The following LARGE1 variants were observed in gnomAD, a reference collection of about 807,000 sequenced individuals.
The protein encoded by LARGE1 is LARGE xylosyl- and glucuronyltransferase 1, also known as xylosyl- and glucuronyltransferase LARGE1.
LARGE1 carries 43 observed loss-of-function variants against 87.6 expected under a neutral mutation model. The observed-to-expected ratio is 0.49, with a 90% CI of 0.38 to 0.63. The LOEUF is 0.63. LARGE1 is among the 30% of genes least tolerant of loss of function. The pLI, the probability that LARGE1 is intolerant of heterozygous loss-of-function variation, is 0.00. For missense variants in LARGE1, 802 were observed against 1,000.2 expected, an observed-to-expected ratio of 0.80 and a Z score of 2.67; for synonymous variants, 434 against 394.6, an observed-to-expected ratio of 1.10 and a Z score of -1.18.
rs1409294117 is a variant in LARGE1 at position 33,312,291 on chromosome 22, G to A, written c.1451+3794C>T. Among the ~76,000 whole-genome samples, 7 of 151,982 alleles carry A rather than the reference G, an allele frequency of 4.6e-5. No homozygotes were observed. In the East Asian group the frequency reaches 1.4e-3, roughly 29 times the overall value. On this transcript the variant is annotated intron_variant, in intron 11 of 14. Coordinates refer to ENST00000397394, the MANE Select transcript of LARGE1 (RefSeq NM_133642.5). The stretch of plus-strand genomic sequence containing the variant: ...ACCCCGTCTCTACTAAAAATACAAA[G>A]TTAGCTGGGCCTGGTGGTGCGCGCC...
intron 1 of LARGE1, among the ~76,000 whole-genome samples, chr22:33,899,802 C>A (rs1282242702): frequency 1.3e-5 from 2 of 152,180 alleles, no homozygotes; most frequent in Non-Finnish European, 2.9e-5. Context: ...ATCTATTTAA[C>A]AAAGAAGTGA....
chr22:33,563,970 T>C (rs921398900), intron 6 of LARGE1, among the ~76,000 whole-genome samples: 4 of 152,188 alleles, frequency 2.6e-5, no homozygotes, highest in Non-Finnish European at 4.4e-5. Context: ...GAATATCCTG[T>C]GATTTATGAA....
chr22:33,281,965 A>T (rs1224843277), intron 13 of LARGE1, among the ~76,000 whole-genome samples: 1 of 152,246 alleles, frequency 6.6e-6, no homozygotes, highest in East Asian at 1.9e-4. Flanking sequence ...TTTCAGTAAA[A>T]TTCCGATGGT....
At chr22:33,767,589 C>T (rs2084945350) in intron 1 of LARGE1, among the ~76,000 whole-genome samples, 1 of 151,902 alleles carries the variant, frequency 6.6e-6, no homozygotes, top group Admixed American at 6.6e-5. Context: ...AGACTCCAGT[C>T]AGAAGCCTAC....
rs970959567 is a variant in LARGE1 at position 33,581,500 on chromosome 22, T to C, written c.616-16481A>G. On this transcript the variant is annotated intron_variant, in intron 5 of 14. Transcript: ENST00000397394. ...GTTATTTTGTTGACCTGGCTTGTTTTCCATGCTTCAGTTAGAAGACAGAGA... is the reference window on the plus strand; with the variant it reads ...GTTATTTTGTTGACCTGGCTTGTTTCCCATGCTTCAGTTAGAAGACAGAGA... 1.2e-4 allele frequency among the ~76,000 whole-genome samples: 18 copies of C among 152,122 alleles called. 1 individual carries two copies. The highest frequency in any genetic ancestry group is 8.5e-4 in the Admixed American group (13 of 15,274).
chr22:33,382,228 T>C (rs1296520879), intron 8 of LARGE1, among the ~76,000 whole-genome samples, 184 bp from the exon 9 acceptor site: 2 of 152,130 alleles, frequency 1.3e-5, no homozygotes, highest in African/African-American at 4.8e-5. Context: ...GCAATAATGT[T>C]TGGATAGAGA....
chr22:33,308,264 T>G (rs1480491068), intron 11 of LARGE1, among the ~76,000 whole-genome samples: 5 of 152,138 alleles, frequency 3.3e-5, no homozygotes, highest in Non-Finnish European at 7.4e-5. Context: ...TCACTCAGTG[T>G]CTGCTGGGAT....
rs911362800 is a variant in LARGE1 at position 33,202,764 on chromosome 22, C to T, written c.1731-35932G>A. ...AAGTTCTACAGTGTTTACATCAATCCCTCAAATCTGGTTGAACCCAAGAGC... is the reference window on the plus strand; with the variant it reads ...AAGTTCTACAGTGTTTACATCAATCTCTCAAATCTGGTTGAACCCAAGAGC... On this transcript the variant is annotated intron_variant, in intron 11 of 11. Transcript: ENST00000608642. Among the ~76,000 whole-genome samples the T allele has an allele frequency of 5.9e-5, 9 of 152,188 alleles. No individual in the cohort carries two copies. The South Asian group carries it at 8.3e-4, about 14-fold the overall frequency.
chr22:33,324,735 C>G (rs1191898885), intron 10 of LARGE1, among the ~76,000 whole-genome samples: 1 of 152,186 alleles, frequency 6.6e-6, no homozygotes. Context: ...TTAGAGACTT[C>G]TGTTCACAGT....
intron 2 of LARGE1, among the ~76,000 whole-genome samples, chr22:33,719,531 A>ATTTTTTTT (rs1556011065): frequency 4.7e-4 from 70 of 149,820 alleles, no homozygotes; most frequent in African/African-American, 1.6e-3. Context: ...TTATTTATTT[A>ATTTTTTTT]TTTTTTTGAG....
At chr22:33,527,117 A>T (rs140543103) in intron 6 of LARGE1, among the ~76,000 whole-genome samples, 2,043 of 152,268 alleles carry the variant, frequency 0.013, 50 homozygotes, top group African/African-American at 0.047. Flanking sequence ...TTAGCCAGGC[A>T]TGGTGGCGCA....
At chr22:33,130,313 C>CAAAAAAAAAAAAAA in the LARGE1 span, among the ~76,000 whole-genome samples, 93 of 56,998 alleles carry the variant, frequency 1.6e-3, 5 homozygotes, top group African/African-American at 5.8e-3. Flanking sequence ...GATTCCGTCT[C>CAAAAAAAAAAAAAA]AAAAAAAAAA....
intron 6 of LARGE1, among the ~76,000 whole-genome samples, chr22:33,515,876 C>T (rs1002516522): frequency 1.3e-5 from 2 of 152,180 alleles, no homozygotes; most frequent in Admixed American, 1.3e-4. Context: ...CACCCTTTGG[C>T]TTGCCTTCCC....
intron 9 of LARGE1, among the ~76,000 whole-genome samples, chr22:33,373,573 C>A (rs1434949824): frequency 1.3e-5 from 2 of 152,146 alleles, no homozygotes; most frequent in East Asian, 3.9e-4. Flanking sequence ...TGCTCTTCGT[C>A]TTTCTACCCT....
At chr22:33,865,176 A>G (rs1220643930) in intron 1 of LARGE1, among the ~76,000 whole-genome samples, 2 of 152,230 alleles carry the variant, frequency 1.3e-5, no homozygotes, top group Non-Finnish European at 2.9e-5. Flanking sequence ...AGTCTAGCCC[A>G]GAACCTACTC....
At chr22:33,453,614 G>T (rs368581379) in intron 6 of LARGE1, among the ~76,000 whole-genome samples, 21 of 152,110 alleles carry the variant, frequency 1.4e-4, no homozygotes, top group African/African-American at 4.8e-4. Flanking sequence ...TGCGTGCACC[G>T]TGATTTGGAG....
At chr22:33,744,725 G>A (rs1009023158) in intron 2 of LARGE1, among the ~76,000 whole-genome samples, 1 of 152,234 alleles carries the variant, frequency 6.6e-6, no homozygotes, top group Non-Finnish European at 1.5e-5. Context: ...GACTGGTACA[G>A]TGCTCAGCAC....
intron 2 of LARGE1, among the ~76,000 whole-genome samples, chr22:33,680,378 C>T (rs1263710957): frequency 3.3e-5 from 5 of 149,826 alleles, no homozygotes; most frequent in Non-Finnish European, 7.4e-5. Flanking sequence ...ATTGATCAGG[C>T]TTTATTTTTA....
chr22:33,761,239 T>C, intron 2 of LARGE1, 132 bp downstream of exon 2: 1 of 838,696 alleles, frequency 1.2e-6, no homozygotes, highest in Non-Finnish European at 2.1e-6. Flanking sequence ...TGTGTGATTC[T>C]AGACAAGTCA....
Sources: gnomAD v4.1 joint callset for allele counts (sites outside exome capture counted in the v4.1 genomes callset) on GRCh38, gnomAD v4.1.1 for gene constraint, MANE v1.5 for transcripts, NCBI Gene and HGNC (gene_info 2026-07-23, HGNC 2026-07-21) for gene names.